The following CABCOCO1 variants were observed in gnomAD, a reference collection of about 807,000 sequenced individuals.
CABCOCO1 encodes ciliary-associated calcium-binding coiled-coil protein 1.
CABCOCO1 carries 28 observed loss-of-function variants against 35.7 expected under a neutral mutation model. That is an observed-to-expected ratio of 0.78 (90% confidence interval 0.58 to 1.07). The LOEUF is 1.07. Among genes scored for constraint, CABCOCO1 ranks in the 50% least tolerant of loss-of-function variants. The pLI is 0.00. For synonymous variants in CABCOCO1, 95 were observed against 100.1 expected (o/e 0.95, Z 0.30); for missense variants, 326 against 309.2 (o/e 1.05, Z -0.41).
intron 5 of CABCOCO1, among the ~76,000 whole-genome samples, chr10:61,737,520 C>T (rs1360005820): frequency 1.3e-5 from 2 of 152,148 alleles, no homozygotes; most frequent in African/African-American, 4.8e-5. Context: ...TTTGTTGCAG[C>T]ACTATTCACA....
chr10:61,663,002 G>GACCCCGGCAGGGCCA lies in CABCOCO1; in HGVS notation c.38_39insAGGGCCAACCCCGGC (p.Pro10_Gly14dup), dbSNP rs1275875678. 5.6e-6 allele frequency: 2 copies of GACCCCGGCAGGGCCA among 355,570 alleles called. No individual in the cohort carries two copies. Among genetic ancestry groups the GACCCCGGCAGGGCCA allele is most frequent in the South Asian group, 2.0e-5 (1 of 50,456 alleles). The allele number at this position is 355,570 out of a possible 1,614,324, so 22.0% of individuals were successfully genotyped here. A position where few individuals can be genotyped will look rare whatever the true frequency, so the allele number is the denominator to read the frequency against. ...CGCAGGGGACGACTCCCTGGGGGCC[G>GACCCCGGCAGGGCCA]ACCCCGGCGGGAACCACGCCCGAAT... On this transcript the variant is annotated inframe_insertion, in exon 1 of 8. Transcript: ENST00000648843.
chr10:61,675,259 T>G (rs1055807217), intron 2 of CABCOCO1, among the ~76,000 whole-genome samples: 1 of 152,188 alleles, frequency 6.6e-6, no homozygotes, highest in African/African-American at 2.4e-5. Flanking sequence ...AGAAAAAGTT[T>G]ACGTATTTGC....
intron 5 of CABCOCO1, among the ~76,000 whole-genome samples, chr10:61,728,976 C>G (rs944582213): frequency 1.3e-5 from 2 of 151,990 alleles, no homozygotes; most frequent in African/African-American, 4.8e-5. Context: ...GGGAACTGGG[C>G]AAAAAAGTAA....
chr10:61,717,890 G>C (rs768229659), intron 5 of CABCOCO1, among the ~76,000 whole-genome samples: 4 of 152,180 alleles, frequency 2.6e-5, no homozygotes, highest in African/African-American at 4.8e-5. Context: ...AGGGCATAGA[G>C]ACAAGAATGA....
At chr10:61,672,444 T>C (rs892028847) in intron 1 of CABCOCO1, among the ~76,000 whole-genome samples, 188 bp from the exon 2 acceptor site, 1 of 152,216 alleles carries the variant, frequency 6.6e-6, no homozygotes, top group African/African-American at 2.4e-5. Context: ...TGACTAGCCA[T>C]TTGACTTTTC....
chr10:61,696,654 T>C (rs1840304514), intron 5 of CABCOCO1, among the ~76,000 whole-genome samples: 1 of 151,942 alleles, frequency 6.6e-6, no homozygotes, highest in Non-Finnish European at 1.5e-5. Flanking sequence ...CACACCCTCA[T>C]ACCCGGCTAA....
chr10:61,681,207 G>T lies in CABCOCO1; in HGVS notation c.229G>T (p.Asp77Tyr). Residue 77 changes from aspartate (D) to tyrosine (Y), a missense_variant, in exon 3 of 8, where the codon GAT becomes TAT. Physicochemically the swap from Asp to Tyr is radical, Grantham distance 160. Coordinates refer to ENST00000648843, the MANE Select transcript of CABCOCO1 (RefSeq NM_001366906.2). Reference sequence around the variant, plus strand: ...TTGTTTAAAGGATGCCATTCTACTAGATTATTATGTATCTGGATTTTTGTG... The same window carrying T: ...TTGTTTAAAGGATGCCATTCTACTATATTATTATGTATCTGGATTTTTGTG... Reference protein sequence around the residue: ...ETCLKDAILLDYYVSGFLWAR... With the variant: ...ETCLKDAILLYYYVSGFLWAR... The T allele has an allele frequency of 6.5e-7, 1 of 1,539,986 alleles. No homozygotes were observed. Among genetic ancestry groups the T allele is most frequent in the East Asian group, 2.3e-5 (1 of 42,848 alleles).
chr10:61,749,139 A>G (rs1389839177), intron 5 of CABCOCO1, among the ~76,000 whole-genome samples: 1 of 152,192 alleles, frequency 6.6e-6, no homozygotes, highest in African/African-American at 2.4e-5. Flanking sequence ...TTTTTTCCCC[A>G]TTTGTGATTT....
intron 1 of CABCOCO1, among the ~76,000 whole-genome samples, chr10:61,663,888 T>C (rs1233732583): frequency 2.0e-5 from 3 of 152,198 alleles, no homozygotes; most frequent in African/African-American, 4.8e-5. Context: ...AAGTTTTTTT[T>C]CCTCCGTTTT....
intron 5 of CABCOCO1, among the ~76,000 whole-genome samples, chr10:61,757,104 TAA>T (rs71468946): frequency 6.8e-6 from 1 of 146,958 alleles, no homozygotes. Context: ...GAGGTTTTGT[TAA>T]AAAAAAAAAT....
chr10:61,728,330 A>G (rs866548102), intron 5 of CABCOCO1, among the ~76,000 whole-genome samples: 1 of 152,146 alleles, frequency 6.6e-6, no homozygotes, highest in Non-Finnish European at 1.5e-5. Context: ...ACATTTGGTA[A>G]TAAAATACCT....
intron 5 of CABCOCO1, among the ~76,000 whole-genome samples, chr10:61,734,219 G>A (rs1040601043): frequency 4.6e-5 from 7 of 151,934 alleles, no homozygotes; most frequent in African/African-American, 1.7e-4. Flanking sequence ...TATGTGGCAC[G>A]TGCACACTCA....
At chr10:61,763,910 T>C (rs1029861167) in intron 7 of CABCOCO1, among the ~76,000 whole-genome samples, 1 of 152,040 alleles carries the variant, frequency 6.6e-6, no homozygotes, top group East Asian at 1.9e-4. Flanking sequence ...TGACTAGACG[T>C]GGAGCCTTTA....
chr10:61,747,003 G>A (rs1040987688), intron 5 of CABCOCO1, among the ~76,000 whole-genome samples: 3 of 152,042 alleles, frequency 2.0e-5, no homozygotes, highest in African/African-American at 7.2e-5. Context: ...GATTAAATCT[G>A]ACAGATGCTA....
At chr10:61,738,184 G>T (rs1841467833) in intron 5 of CABCOCO1, among the ~76,000 whole-genome samples, 1 of 152,014 alleles carries the variant, frequency 6.6e-6, no homozygotes. Context: ...CTGAAAACCA[G>T]CAAATTAAAT....
chr10:61,690,461 T>A lies in CABCOCO1; in HGVS notation c.480-88T>A. 3.6e-6 allele frequency: 3 copies of A among 829,138 alleles called. No individual in the cohort carries two copies. In the South Asian group the frequency reaches 5.1e-5, roughly 14 times the overall value. The allele number at this position is 829,138 out of a possible 1,614,324, so 51.4% of individuals were successfully genotyped here. ...TCTGATAGCATTAGTTTGGTCAATATGAAGTTTCCTTTAATAAATGTCTTT... is the reference window on the plus strand; with the variant it reads ...TCTGATAGCATTAGTTTGGTCAATAAGAAGTTTCCTTTAATAAATGTCTTT... On this transcript the variant is annotated intron_variant, in intron 4 of 7. Transcript: ENST00000648843.
At chr10:61,732,959 T>C (rs1328541214) in intron 5 of CABCOCO1, among the ~76,000 whole-genome samples, 3 of 152,068 alleles carry the variant, frequency 2.0e-5, no homozygotes, top group African/African-American at 4.8e-5. Flanking sequence ...TTTTTAGAGC[T>C]TTTATTGGGA....
chr10:61,760,786 C>T (rs947192032), intron 6 of CABCOCO1, 77 bp from the exon 7 acceptor site: 49 of 1,439,618 alleles, frequency 3.4e-5, no homozygotes, highest in Admixed American at 6.9e-5. Flanking sequence ...ATATTTAAAA[C>T]AAGAAGTTTT....
chr10:61,708,945 C>T (rs539583023), intron 5 of CABCOCO1, among the ~76,000 whole-genome samples: 92 of 152,230 alleles, frequency 6.0e-4, no homozygotes, highest in Middle Eastern at 3.4e-3. Context: ...TACGCATAAA[C>T]TTCTAATCTG....
Sources: gnomAD v4.1 joint callset for allele counts (sites outside exome capture counted in the v4.1 genomes callset) on GRCh38, gnomAD v4.1.1 for gene constraint, MANE v1.5 for transcripts, NCBI Gene and HGNC (gene_info 2026-07-23, HGNC 2026-07-21) for gene names.